CIMIP3: variants seen among roughly 807,000 people sequenced by gnomAD.
The protein encoded by CIMIP3 is ciliary microtubule inner protein 3.
the CIMIP3 span, among the ~76,000 whole-genome samples, chr6:42,159,401 A>G: frequency 6.6e-6 from 1 of 152,182 alleles, no homozygotes; most frequent in Non-Finnish European, 1.5e-5. Context: ...GGCATCCAAG[A>G]GGTGCCCAGG....
chr6:42,159,503 A>G, the CIMIP3 span, among the ~76,000 whole-genome samples: 1 of 152,034 alleles, frequency 6.6e-6, no homozygotes, highest in African/African-American at 2.4e-5. Context: ...CACACTTCCC[A>G]GTGTGTTGTT....
the CIMIP3 span, among the ~76,000 whole-genome samples, chr6:42,160,291 A>G: frequency 6.6e-6 from 1 of 152,114 alleles, no homozygotes; most frequent in East Asian, 1.9e-4. Context: ...ACCTGGCTAG[A>G]AAACAATCTT....
the CIMIP3 span, chr6:42,162,983 G>C: frequency 2.8e-6 from 2 of 712,664 alleles, no homozygotes; most frequent in Non-Finnish European, 5.2e-6. Flanking sequence ...GGGGGTGAAG[G>C]CTCCACACTC....
the CIMIP3 span, chr6:42,155,544 GC>G: frequency 2.8e-6 from 2 of 717,432 alleles, no homozygotes; most frequent in Non-Finnish European, 5.2e-6. Context: ...AGCCTGATGG[GC>G]AGGAAAGAGC....
the CIMIP3 span, among the ~76,000 whole-genome samples, chr6:42,162,293 A>C: frequency 6.7e-6 from 1 of 149,378 alleles, no homozygotes; most frequent in Non-Finnish European, 1.5e-5. Context: ...GGGTGCCTGT[A>C]ATCCCAGCTT....
the CIMIP3 span, among the ~76,000 whole-genome samples, chr6:42,156,657 A>G: frequency 1.3e-5 from 2 of 152,180 alleles, no homozygotes; most frequent in African/African-American, 2.4e-5. Flanking sequence ...AGTAATGACT[A>G]TTTGCACTGT....
At chr6:42,158,012 C>T in the CIMIP3 span, among the ~76,000 whole-genome samples, 1 of 152,174 alleles carries the variant, frequency 6.6e-6, no homozygotes, top group Non-Finnish European at 1.5e-5. Flanking sequence ...AGCACCCACC[C>T]CACACTGTGT....
At chr6:42,161,967 A>G in the CIMIP3 span, among the ~76,000 whole-genome samples, 1 of 152,020 alleles carries the variant, frequency 6.6e-6, no homozygotes, top group Non-Finnish European at 1.5e-5. Flanking sequence ...AGGCTGGGGA[A>G]CACCTGAGCC....
At chr6:42,161,668 G>A in the CIMIP3 span, among the ~76,000 whole-genome samples, 13 of 152,168 alleles carry the variant, frequency 8.5e-5, no homozygotes, top group African/African-American at 2.7e-4. Context: ...TGGTTAGGAC[G>A]AGGTAGGTAT....
the CIMIP3 span, among the ~76,000 whole-genome samples, chr6:42,159,397 C>T: frequency 6.6e-6 from 1 of 152,174 alleles, no homozygotes; most frequent in Non-Finnish European, 1.5e-5. Flanking sequence ...GCCTGGCATC[C>T]AAGAGGTGCC....
the CIMIP3 span, among the ~76,000 whole-genome samples, chr6:42,162,409 C>T: frequency 1.5e-5 from 2 of 134,790 alleles, no homozygotes; most frequent in Non-Finnish European, 1.6e-5. Flanking sequence ...GAGCGAAACT[C>T]TTTTTTTTTT....
chr6:42,155,683 C>T, the CIMIP3 span: 1 of 713,384 alleles, frequency 1.4e-6, no homozygotes, highest in African/African-American at 1.7e-5. Flanking sequence ...TCTGCGATCT[C>T]TCTGGGGAGA....
chr6:42,157,225 G>A, the CIMIP3 span, among the ~76,000 whole-genome samples: 10 of 152,110 alleles, frequency 6.6e-5, no homozygotes, highest in Non-Finnish European at 2.9e-5. Flanking sequence ...GGGGATGGGG[G>A]TTATGAAGGG....
the CIMIP3 span, among the ~76,000 whole-genome samples, chr6:42,162,090 C>CTTTTTTTTTTT: frequency 7.9e-5 from 5 of 63,078 alleles, 1 homozygote; most frequent in African/African-American, 2.9e-4. Flanking sequence ...AAGCCACATT[C>CTTTTTTTTTTT]TTTTTTTTTT....
the CIMIP3 span, among the ~76,000 whole-genome samples, chr6:42,159,971 G>C: frequency 6.6e-6 from 1 of 151,510 alleles, no homozygotes; most frequent in Non-Finnish European, 1.5e-5. Flanking sequence ...CGGTGCTACA[G>C]ACTGAAGTGG....
chr6:42,162,948 A>G, the CIMIP3 span: 1 of 687,212 alleles, frequency 1.5e-6, no homozygotes, highest in South Asian at 1.6e-5. Context: ...GTACCCAGTC[A>G]TGGGCCAAAG....
the CIMIP3 span, chr6:42,163,198 C>T: frequency 3.3e-6 from 2 of 597,666 alleles, no homozygotes; most frequent in Admixed American, 2.8e-5. Flanking sequence ...CTGACCACAC[C>T]CGCAAGCGCT....
At chr6:42,157,539 G>A in the CIMIP3 span, among the ~76,000 whole-genome samples, 2 of 151,450 alleles carry the variant, frequency 1.3e-5, no homozygotes, top group African/African-American at 4.9e-5. Flanking sequence ...CGTGAGCCAT[G>A]GTGCCGGCTC....
the CIMIP3 span, among the ~76,000 whole-genome samples, chr6:42,159,592 T>G: frequency 7.2e-5 from 11 of 152,182 alleles, no homozygotes. Flanking sequence ...GACTGGGAAA[T>G]CTGGCTGCCC....
Sources: allele counts gnomAD v4.1 joint callset (sites outside exome capture counted in the v4.1 genomes callset), GRCh38; gene constraint gnomAD v4.1.1; transcripts MANE v1.5; gene names NCBI Gene and HGNC (gene_info 2026-07-23, HGNC 2026-07-21).